Variants in TMEM132C observed in about 807,000 individuals in gnomAD.
TMEM132C encodes the protein protein phosphatase 1, regulatory subunit 152.
TMEM132C carries 29 observed loss-of-function variants against 61.4 expected under a neutral mutation model. The observed-to-expected ratio is 0.47, with a 90% CI of 0.35 to 0.64. The LOEUF (loss-of-function observed/expected upper bound fraction) is 0.64, where lower values mean the gene tolerates loss of function less well. Ranked by LOEUF, TMEM132C falls within the 30% of genes least tolerant of loss-of-function variation. TMEM132C has a pLI of 0.00. For synonymous variants in TMEM132C, 656 were observed against 633.1 expected (o/e 1.04, Z -0.54); for missense variants, 1,408 against 1,476.9 (o/e 0.95, Z 0.76).
intron 4 of TMEM132C, among the ~76,000 whole-genome samples, chr12:128,668,713 G>A (rs1954501759): frequency 6.6e-6 from 1 of 152,076 alleles, no homozygotes; most frequent in South Asian, 2.1e-4. Context: ...GATGTTGGCA[G>A]GGCTGCACTC....
At chr12:128,455,537 T>C (rs375827245) in intron 2 of TMEM132C, among the ~76,000 whole-genome samples, 1 of 152,222 alleles carries the variant, frequency 6.6e-6, no homozygotes, top group African/African-American at 2.4e-5. Context: ...CACTGAGATA[T>C]GTATGTGACC....
At chr12:128,568,599 G>T (rs145639100) in intron 3 of TMEM132C, among the ~76,000 whole-genome samples, 3 of 152,200 alleles carry the variant, frequency 2.0e-5, no homozygotes, top group Non-Finnish European at 4.4e-5. Context: ...AGCCCAGAGC[G>T]TTTAAGAAAT....
intron 2 of TMEM132C, among the ~76,000 whole-genome samples, chr12:128,449,706 T>A (rs1870117524): frequency 1.3e-5 from 2 of 152,212 alleles, no homozygotes; most frequent in South Asian, 4.1e-4. Context: ...AATCATGCTG[T>A]AAAGAATCCC....
At chr12:128,338,283 G>A (rs1245379401) in intron 1 of TMEM132C, among the ~76,000 whole-genome samples, 1 of 152,118 alleles carries the variant, frequency 6.6e-6, no homozygotes, top group Non-Finnish European at 1.5e-5. Flanking sequence ...AGGTAGAGCC[G>A]AGACTCCTGC....
At chr12:128,684,469 C>G (rs1172130936) in intron 5 of TMEM132C, among the ~76,000 whole-genome samples, 2 of 152,350 alleles carry the variant, frequency 1.3e-5, no homozygotes, top group East Asian at 3.9e-4. Flanking sequence ...TCCTGCCTGT[C>G]TCCTCAGCCA....
intron 3 of TMEM132C, among the ~76,000 whole-genome samples, chr12:128,592,359 C>T (rs543074138): frequency 1.0e-3 from 158 of 152,324 alleles, no homozygotes; most frequent in Admixed American, 1.8e-3. Flanking sequence ...CAGAAGCTCC[C>T]GTGTTTGCAT....
intron 8 of TMEM132C, among the ~76,000 whole-genome samples, chr12:128,703,323 A>AGT (rs1204812343): frequency 6.6e-6 from 1 of 151,200 alleles, no homozygotes; most frequent in African/African-American, 2.4e-5. Flanking sequence ...AATAGGCCCC[A>AGT]GTGTGTGCTG....
Position 128,507,675 on chromosome 12 carries a change from C to T in TMEM132C, c.975-36282C>T, listed in dbSNP as rs556296342. The stretch of plus-strand genomic sequence containing the variant: ...ATCCTGAGTCATCAAATCGTTTAAA[C>T]GTTTTATATGTTTCGAAAGGTGTGA... On this transcript the variant is annotated intron_variant, in intron 2 of 8. Coordinates refer to ENST00000435159, the MANE Select transcript of TMEM132C (RefSeq NM_001136103.3). 2.0e-4 allele frequency among the ~76,000 whole-genome samples: 30 copies of T among 152,144 alleles called. 1 individual carries two copies. In the South Asian group the frequency reaches 3.7e-3, roughly 19 times the overall value.
intron 3 of TMEM132C, among the ~76,000 whole-genome samples, chr12:128,588,739 A>G (rs957810382): frequency 2.6e-5 from 4 of 152,190 alleles, no homozygotes; most frequent in African/African-American, 9.7e-5. Flanking sequence ...CCAAGTGAGG[A>G]CACAGCATCT....
intron 4 of TMEM132C, among the ~76,000 whole-genome samples, chr12:128,660,483 CTT>C (rs1005724118): frequency 6.6e-6 from 1 of 152,230 alleles, no homozygotes; most frequent in African/African-American, 2.4e-5. Flanking sequence ...AGAAACGCCT[CTT>C]AAGTCCACTT....
At chr12:128,550,550 C>A (rs939980095) in intron 3 of TMEM132C, among the ~76,000 whole-genome samples, 1 of 152,164 alleles carries the variant, frequency 6.6e-6, no homozygotes, top group Admixed American at 6.5e-5. Context: ...AGTGATCCAC[C>A]TACCTCGGCC....
At chr12:128,339,664 C>T (rs1872894748) in intron 1 of TMEM132C, among the ~76,000 whole-genome samples, 1 of 147,492 alleles carries the variant, frequency 6.8e-6, no homozygotes, top group Non-Finnish European at 1.5e-5. Context: ...CCCCAAGTCC[C>T]AAACACCAGT....
intron 3 of TMEM132C, among the ~76,000 whole-genome samples, chr12:128,575,363 C>T (rs1438452907): frequency 6.6e-6 from 1 of 152,154 alleles, no homozygotes; most frequent in Non-Finnish European, 1.5e-5. Context: ...CCTATAGTCC[C>T]AGCTACTGGG....
intron 2 of TMEM132C, among the ~76,000 whole-genome samples, chr12:128,421,137 C>T (rs1399689010): frequency 6.6e-6 from 1 of 152,130 alleles, no homozygotes; most frequent in Non-Finnish European, 1.5e-5. Flanking sequence ...ACTTTTCATC[C>T]ATGAACCACC....
intron 2 of TMEM132C, among the ~76,000 whole-genome samples, chr12:128,466,863 A>C (rs1484141876): frequency 6.6e-6 from 1 of 152,142 alleles, no homozygotes; most frequent in Non-Finnish European, 1.5e-5. Flanking sequence ...TTGGACATTC[A>C]GGTTTGGAGC....
chr12:128,485,014 T>C (rs990040757), intron 2 of TMEM132C, among the ~76,000 whole-genome samples: 1 of 151,744 alleles, frequency 6.6e-6, no homozygotes, highest in Non-Finnish European at 1.5e-5. Context: ...GAAGGAAGGT[T>C]GGTTGGTTGG....
intron 2 of TMEM132C, among the ~76,000 whole-genome samples, chr12:128,542,430 C>T (rs900919848): frequency 2.0e-5 from 3 of 152,130 alleles, no homozygotes; most frequent in African/African-American, 7.2e-5. Context: ...CTAAACCTCC[C>T]GAGTAGCTGG....
intron 2 of TMEM132C, among the ~76,000 whole-genome samples, chr12:128,426,593 T>G (rs76503116): frequency 6.6e-6 from 1 of 152,212 alleles, no homozygotes; most frequent in Non-Finnish European, 1.5e-5. Context: ...TTTCATTTTC[T>G]TCAGCTTGTC....
rs560107990 is a variant in TMEM132C at position 128,664,047 on chromosome 12, C to T, written c.1306-5370C>T. On this transcript the variant is annotated intron_variant, in intron 4 of 8. Transcript: ENST00000435159. Reference sequence around the variant, plus strand: ...AGGCACACGCACCCACACGCACGCACGCGGGCACTCACAGGCACACACACA... The same window carrying T: ...AGGCACACGCACCCACACGCACGCATGCGGGCACTCACAGGCACACACACA... Among the ~76,000 whole-genome samples, 174 of 107,968 alleles carry T rather than the reference C, an allele frequency of 1.6e-3. 1 individual carries two copies. Among genetic ancestry groups the T allele is most frequent in the African/African-American group, 5.1e-3 (158 of 31,216 alleles). 70.8% of individuals were successfully genotyped at this position (107,968 alleles called of 152,430 possible).
Sources: gnomAD v4.1 joint callset for allele counts (sites outside exome capture counted in the v4.1 genomes callset) on GRCh38, gnomAD v4.1.1 for gene constraint, MANE v1.5 for transcripts, NCBI Gene and HGNC (gene_info 2026-07-23, HGNC 2026-07-21) for gene names.